Variants in DACH2 observed in about 807,000 individuals in gnomAD.
The protein encoded by DACH2 is dachshund homolog 2.
Under a neutral mutation model 35.8 loss-of-function variants are expected in DACH2, and 17 were observed. The observed-to-expected ratio is 0.48, with a 90% CI of 0.33 to 0.71. The LOEUF is 0.71. DACH2 is among the 30% of genes least tolerant of loss of function. The pLI is 0.02. For synonymous variants in DACH2, 195 were observed against 177.3 expected (o/e 1.10, Z -0.79); for missense variants, 469 against 472.7 (o/e 0.99, Z 0.07).
chrX:86,289,690 C>G (rs774722823), intron 1 of DACH2, among the ~76,000 whole-genome samples: 2 of 104,974 alleles, frequency 1.9e-5, no homozygotes, highest in African/African-American at 3.5e-5. Context: ...TTTCTTCTTG[C>G]GATAGTTTAC....
At chrX:86,522,789 A>G (rs2038576184) in intron 3 of DACH2, among the ~76,000 whole-genome samples, 1 of 111,683 alleles carries the variant, frequency 9.0e-6, no homozygotes, top group Non-Finnish European at 1.9e-5. Flanking sequence ...ATTTTCTAGT[A>G]TTTTCTGTAA....
chrX:86,155,850 A>G (rs889126798), intron 1 of DACH2, among the ~76,000 whole-genome samples: 1 of 111,206 alleles, frequency 9.0e-6, no homozygotes, highest in Non-Finnish European at 1.9e-5. Flanking sequence ...TTAGATCTCA[A>G]ATTCAGGAAA....
At chrX:86,570,516 C>G (rs1043673539) in intron 3 of DACH2, among the ~76,000 whole-genome samples, 2 of 111,170 alleles carry the variant, frequency 1.8e-5, no homozygotes, top group African/African-American at 6.5e-5. Flanking sequence ...CCTGTTCTCA[C>G]TTATAAATGG....
intron 7 of DACH2, among the ~76,000 whole-genome samples, chrX:86,741,422 G>C (rs979192947): frequency 8.9e-6 from 1 of 111,749 alleles, no homozygotes; most frequent in Non-Finnish European, 1.9e-5. Context: ...GTCTGGAATA[G>C]AGCCTGGGCA....
At chrX:86,690,239 G>A (rs769597529) in intron 4 of DACH2, among the ~76,000 whole-genome samples, 1 of 111,829 alleles carries the variant, frequency 8.9e-6, no homozygotes, top group Non-Finnish European at 1.9e-5. Flanking sequence ...GTGTTTGGGT[G>A]TTTTAGCTTG....
chrX:86,543,414 G>A lies in DACH2; in HGVS notation c.640+29023G>A, dbSNP rs763494743. ...CACAAGAACTGTCACAAGTCAAAAA[G>A]ACAGAATGTCTTCTCACCTCCAAAC... is the stretch of plus-strand genomic sequence containing the variant. On this transcript the variant is annotated intron_variant, in intron 3 of 11. Coordinates refer to ENST00000373125, the MANE Select transcript of DACH2 (RefSeq NM_053281.3). 3.8e-4 allele frequency among the ~76,000 whole-genome samples: 42 copies of A among 111,720 alleles called. 1 individual carries two copies. Among genetic ancestry groups the A allele is most frequent in the Admixed American group, 2.9e-4 (3 of 10,506 alleles).
chrX:86,556,793 TATAGAG>T (rs1254937824), intron 3 of DACH2, among the ~76,000 whole-genome samples: 28 of 33,040 alleles, frequency 8.5e-4, no homozygotes, highest in African/African-American at 2.3e-3. Flanking sequence ...TATATATATA[TATAGAG>T]AGAGAGAGAG....
chrX:86,199,691 G>A (rs753099582), intron 1 of DACH2, among the ~76,000 whole-genome samples: 2 of 111,256 alleles, frequency 1.8e-5, no homozygotes, highest in African/African-American at 6.5e-5. Flanking sequence ...ATACCTAGGC[G>A]GTAGCTATTG....
intron 3 of DACH2, among the ~76,000 whole-genome samples, chrX:86,639,784 C>T (rs1489170835): frequency 1.8e-5 from 2 of 111,480 alleles, no homozygotes; most frequent in Non-Finnish European, 3.8e-5. Context: ...TTTGAAGATT[C>T]TGAGCTGACC....
chrX:86,318,055 G>T (rs750719378), intron 1 of DACH2, among the ~76,000 whole-genome samples: 6 of 112,019 alleles, frequency 5.4e-5, no homozygotes, highest in Non-Finnish European at 9.4e-5. Context: ...GATTCTTATT[G>T]CACTGATGCA....
At chrX:86,675,638 T>G (rs2040817754) in intron 4 of DACH2, among the ~76,000 whole-genome samples, 1 of 111,670 alleles carries the variant, frequency 9.0e-6, no homozygotes, top group Non-Finnish European at 1.9e-5. Context: ...TGAGTGGTGA[T>G]TGTGCCACTG....
intron 2 of DACH2, among the ~76,000 whole-genome samples, chrX:86,465,207 A>G (rs2037645131): frequency 8.9e-6 from 1 of 112,371 alleles, no homozygotes; most frequent in Non-Finnish European, 1.9e-5. Flanking sequence ...AAACAAAAAA[A>G]GAAGTAGAGA....
intron 3 of DACH2, among the ~76,000 whole-genome samples, chrX:86,586,202 C>A (rs6623723): frequency 0.42 from 46,610 of 110,154 alleles, 9,241 homozygotes; most frequent in African/African-American, 0.78. Context: ...TTGGCCACAC[C>A]TATGTCTTCT....
chrX:86,672,523 G>C (rs1387643562), intron 4 of DACH2, among the ~76,000 whole-genome samples: 1 of 111,638 alleles, frequency 9.0e-6, no homozygotes, highest in Non-Finnish European at 1.9e-5. Context: ...AGCTGCTCTA[G>C]CTCCAGCCAT....
At chrX:86,659,150 A>G (rs1050891990) in intron 4 of DACH2, among the ~76,000 whole-genome samples, 3 of 110,891 alleles carry the variant, frequency 2.7e-5, no homozygotes, top group Non-Finnish European at 5.7e-5. Flanking sequence ...TGCTGTTTTT[A>G]TTAGCTCCTG....
intron 1 of DACH2, among the ~76,000 whole-genome samples, chrX:86,195,688 A>G (rs1213734502): frequency 9.0e-6 from 1 of 111,616 alleles, no homozygotes; most frequent in Non-Finnish European, 1.9e-5. Flanking sequence ...CACCCTTTGG[A>G]GTGCAGTGAG....
chrX:86,701,266 G>A (rs1410074946), intron 5 of DACH2, among the ~76,000 whole-genome samples: 2 of 111,205 alleles, frequency 1.8e-5, no homozygotes, highest in Non-Finnish European at 3.8e-5. Flanking sequence ...AAAACCACAT[G>A]GTTATCTCAA....
intron 3 of DACH2, among the ~76,000 whole-genome samples, chrX:86,535,634 G>T (rs182124980): frequency 1.8e-5 from 2 of 110,639 alleles, no homozygotes; most frequent in Admixed American, 9.7e-5. Context: ...AACACCAAAG[G>T]TTCTTGCCTT....
At chrX:86,499,055 G>C (rs892680803) in intron 2 of DACH2, among the ~76,000 whole-genome samples, 4 of 111,513 alleles carry the variant, frequency 3.6e-5, no homozygotes, top group Admixed American at 1.9e-4. Flanking sequence ...AGTTATATCT[G>C]GCAACATTGT....
Sources: gnomAD v4.1 joint callset for allele counts (sites outside exome capture counted in the v4.1 genomes callset) on GRCh38, gnomAD v4.1.1 for gene constraint, MANE v1.5 for transcripts, NCBI Gene and HGNC (gene_info 2026-07-23, HGNC 2026-07-21) for gene names.